Variants in M1AP observed in about 807,000 individuals in gnomAD.
M1AP encodes meiosis 1 arrest protein.
M1AP carries 39 observed loss-of-function variants against 51.2 expected under a neutral mutation model. The ratio of observed to expected loss-of-function variants is 0.76; its 90% CI spans 0.59 to 1.00. The LOEUF (loss-of-function observed/expected upper bound fraction) is 1.00, where lower values mean the gene tolerates loss of function less well. Among genes scored for constraint, M1AP ranks in the 50% least tolerant of loss-of-function variants. The pLI, the probability that M1AP is intolerant of heterozygous loss-of-function variation, is 0.00. For missense variants in M1AP, 545 were observed against 641.2 expected, an observed-to-expected ratio of 0.85 and a Z score of 1.62; for synonymous variants, 251 against 249.2, an observed-to-expected ratio of 1.01 and a Z score of -0.07.
chr2:74,600,558 A>G (rs1222656254), intron 4 of M1AP, among the ~76,000 whole-genome samples: 1 of 152,178 alleles, frequency 6.6e-6, no homozygotes, highest in Non-Finnish European at 1.5e-5. Flanking sequence ...GCTTATATGT[A>G]AAGAGGGCAT....
chr2:74,599,832 A>AT (rs386390483), intron 4 of M1AP, among the ~76,000 whole-genome samples: 11,859 of 144,312 alleles, frequency 0.082, 1,301 homozygotes, highest in African/African-American at 0.25. Context: ...CTCTGACAGG[A>AT]TTTTTTTTTT....
chr2:74,629,275 T>C (rs1052538316), intron 2 of M1AP, among the ~76,000 whole-genome samples: 18 of 152,218 alleles, frequency 1.2e-4, no homozygotes, highest in African/African-American at 4.3e-4. Context: ...ATTCTTTTAA[T>C]GTGACACTGG....
At chr2:74,589,955 T>C (rs1309074336) in intron 4 of M1AP, among the ~76,000 whole-genome samples, 1 of 152,250 alleles carries the variant, frequency 6.6e-6, no homozygotes, top group Admixed American at 6.5e-5. Context: ...TGATGATAGC[T>C]GATGAGCTTA....
chr2:74,582,579 A>G (rs1488401088), intron 4 of M1AP, among the ~76,000 whole-genome samples: 1 of 152,210 alleles, frequency 6.6e-6, no homozygotes, highest in Non-Finnish European at 1.5e-5. Context: ...ATGTAAATGC[A>G]TTTTACAAAG....
chr2:74,621,830 G>C (rs1682061007), intron 2 of M1AP, among the ~76,000 whole-genome samples: 1 of 151,100 alleles, frequency 6.6e-6, no homozygotes, highest in South Asian at 2.1e-4. Context: ...AATATTGGTT[G>C]GGGGCGGTGG....
chr2:74,627,932 C>T (rs1682493000), intron 2 of M1AP, among the ~76,000 whole-genome samples: 1 of 152,088 alleles, frequency 6.6e-6, no homozygotes, highest in African/African-American at 2.4e-5. Flanking sequence ...AATATATAAA[C>T]ACATAGAGCT....
intron 3 of M1AP, among the ~76,000 whole-genome samples, chr2:74,614,628 G>C (rs2023481): frequency 1.3e-5 from 2 of 152,310 alleles, no homozygotes; most frequent in East Asian, 1.9e-4. Context: ...TATAAATACA[G>C]CTACCAATGT....
chr2:74,568,071 T>C (rs148164365), intron 7 of M1AP, among the ~76,000 whole-genome samples: 2 of 152,370 alleles, frequency 1.3e-5, no homozygotes, highest in East Asian at 3.9e-4. Context: ...TTGGCACTAA[T>C]CACTACGACT....
At chr2:74,642,059 G>A (rs1162039738) in intron 1 of M1AP, among the ~76,000 whole-genome samples, 3 of 151,886 alleles carry the variant, frequency 2.0e-5, no homozygotes, top group African/African-American at 7.3e-5. Flanking sequence ...TGGTCATGCT[G>A]GTCTCGAACT....
intron 4 of M1AP, among the ~76,000 whole-genome samples, chr2:74,589,451 A>G (rs909279958): frequency 6.6e-6 from 1 of 152,220 alleles, no homozygotes; most frequent in South Asian, 2.1e-4. Context: ...GGGGCAGAGT[A>G]AAGCAAGTTC....
intron 5 of M1AP, among the ~76,000 whole-genome samples, chr2:74,577,652 A>G (rs533228242): frequency 4.6e-5 from 7 of 152,330 alleles, no homozygotes; most frequent in African/African-American, 1.7e-4. Context: ...GTCTTATCAC[A>G]TTAGACATTG....
chr2:74,575,690 T>A, intron 6 of M1AP, 111 bp from the exon 7 acceptor site: 1 of 807,562 alleles, frequency 1.2e-6, no homozygotes, highest in Non-Finnish European at 2.0e-6. Flanking sequence ...GCTTTTAAAT[T>A]AGTGTCTGTG....
chr2:74,586,818 T>C (rs1333833076), intron 4 of M1AP, among the ~76,000 whole-genome samples: 2 of 151,938 alleles, frequency 1.3e-5, no homozygotes, highest in African/African-American at 2.4e-5. Context: ...CTGACCAACA[T>C]GGAGAAACCC....
intron 3 of M1AP, among the ~76,000 whole-genome samples, chr2:74,614,473 AGCCAT>A (rs1234743186): frequency 7.9e-5 from 12 of 152,188 alleles, no homozygotes; most frequent in African/African-American, 2.7e-4. Context: ...TGGAGTATCC[AGCCAT>A]GCCCTTATTT....
In M1AP at chr2:74,560,427, T is replaced by C. The variant is rs907969873; in HGVS notation, c.1282-136A>G. On this transcript the variant is annotated intron_variant, in intron 8 of 10. Coordinates refer to ENST00000421985, the MANE Select transcript of M1AP (RefSeq NM_001321739.2). Reference sequence around the variant, plus strand: ...GCTGCCATGAAGGCTGTGAAATAGATGCTGTCCCCCTGGGTGTTCTGGCCT... The same window carrying C: ...GCTGCCATGAAGGCTGTGAAATAGACGCTGTCCCCCTGGGTGTTCTGGCCT... 4.5e-6 allele frequency: 4 copies of C among 885,900 alleles called. No individual in the cohort carries two copies. The African/African-American group carries it at 6.8e-5, about 15-fold the overall frequency. The allele number at this position is 885,900 out of a possible 1,614,324, so 54.9% of individuals were successfully genotyped here.
chr2:74,571,103 T>C (rs190567641), intron 7 of M1AP, among the ~76,000 whole-genome samples: 17 of 152,272 alleles, frequency 1.1e-4, no homozygotes, highest in Non-Finnish European at 1.8e-4. Flanking sequence ...GAGATTAAGC[T>C]AGTGCCAATG....
intron 4 of M1AP, among the ~76,000 whole-genome samples, 167 bp downstream of exon 4, chr2:74,606,888 T>C (rs1009265347): frequency 1.3e-5 from 2 of 152,080 alleles, no homozygotes; most frequent in African/African-American, 4.8e-5. Context: ...TAAGATTCTT[T>C]TTTTAAAATT....
intron 2 of M1AP, chr2:74,628,966 G>T: frequency 3.7e-6 from 1 of 270,936 alleles, no homozygotes; most frequent in South Asian, 5.0e-5. Context: ...TTCAAATAAT[G>T]GTGATGATAC....
At chr2:74,602,846 A>G (rs1473253716) in intron 4 of M1AP, among the ~76,000 whole-genome samples, 1 of 152,204 alleles carries the variant, frequency 6.6e-6, no homozygotes, top group Non-Finnish European at 1.5e-5. Context: ...ACACAGGTAG[A>G]AAGCTGCTTT....
Sources: gnomAD v4.1 joint callset for allele counts (sites outside exome capture counted in the v4.1 genomes callset) on GRCh38, gnomAD v4.1.1 for gene constraint, MANE v1.5 for transcripts, NCBI Gene and HGNC (gene_info 2026-07-23, HGNC 2026-07-21) for gene names.